Variants in UTS2 observed in about 807,000 individuals in gnomAD.
UTS2 encodes the protein urotensin-2.
In UTS2, 10 loss-of-function variants were observed where a neutral mutation model predicts 12.6. The observed-to-expected ratio is 0.80, with a 90% CI of 0.49 to 1.35. The LOEUF is 1.35. UTS2 is among the 40% of genes most tolerant of loss of function. The pLI is 0.00. For synonymous variants in UTS2, 52 were observed against 50.0 expected (o/e 1.04, Z -0.17); for missense variants, 142 against 143.2 (o/e 0.99, Z 0.04).
At chr1:7,886,017 G>A in the UTS2 span, among the ~76,000 whole-genome samples, 4 of 133,762 alleles carry the variant, frequency 3.0e-5, no homozygotes, top group Admixed American at 2.1e-4. Flanking sequence ...CCTCTCCGAC[G>A]CATCGGAAGT....
the UTS2 span, among the ~76,000 whole-genome samples, chr1:7,865,955 T>G: frequency 6.6e-6 from 1 of 151,998 alleles, no homozygotes; most frequent in African/African-American, 2.4e-5. Flanking sequence ...ATAAACAAAC[T>G]AATACAATTC....
the UTS2 span, among the ~76,000 whole-genome samples, chr1:7,913,140 C>T: frequency 2.0e-5 from 3 of 152,138 alleles, no homozygotes; most frequent in South Asian, 4.2e-4. Flanking sequence ...TCGGAACTCC[C>T]TCCCACCAAG....
the UTS2 span, among the ~76,000 whole-genome samples, chr1:7,894,376 G>T: frequency 6.6e-6 from 1 of 151,950 alleles, no homozygotes; most frequent in South Asian, 2.1e-4. Context: ...GTCGCATCAT[G>T]TTGCCCAGGC....
chr1:7,866,169 G>T, the UTS2 span, among the ~76,000 whole-genome samples: 2 of 152,170 alleles, frequency 1.3e-5, no homozygotes, highest in Admixed American at 1.3e-4. The surrounding 1 kb of genome is among the most constrained non-coding windows in gnomAD (Gnocchi z 4.5). Flanking sequence ...AGCAGTTGGG[G>T]GTTGCTGTGG....
At chr1:7,905,554 A>G in the UTS2 span, among the ~76,000 whole-genome samples, 1 of 152,082 alleles carries the variant, frequency 6.6e-6, no homozygotes, top group Non-Finnish European at 1.5e-5. Context: ...TAAACTTTGA[A>G]TAAAGCAGAT....
the UTS2 span, among the ~76,000 whole-genome samples, chr1:7,913,138 C>T: frequency 6.6e-6 from 1 of 151,936 alleles, no homozygotes; most frequent in East Asian, 1.9e-4. Flanking sequence ...CCTCGGAACT[C>T]CCTCCCACCA....
chr1:7,848,882 G>A lies in UTS2; in HGVS notation c.258+758C>T, dbSNP rs138053816. On this transcript the variant is annotated intron_variant, in intron 3 of 3. Transcript: ENST00000361696. The stretch of plus-strand genomic sequence containing the variant: ...CCTCCATTAGATGTTGTCTTGCAGT[G>A]CCCTTCACACTTTCCCATGCATGTG... Among the ~76,000 whole-genome samples the A allele has an allele frequency of 1.8e-4, 28 of 152,244 alleles. No individual in the cohort carries two copies. In the East Asian group the frequency reaches 5.4e-3, roughly 29 times the overall value.
chr1:7,913,071 G>A, the UTS2 span, among the ~76,000 whole-genome samples: 3 of 150,148 alleles, frequency 2.0e-5, no homozygotes, highest in East Asian at 3.9e-4. Context: ...GCTAATAGTC[G>A]ATTTACAAAC....
At chr1:7,851,889 A>AT (rs1490295205) in intron 1 of UTS2, among the ~76,000 whole-genome samples, 1 of 152,226 alleles carries the variant, frequency 6.6e-6, no homozygotes, top group African/African-American at 2.4e-5. Context: ...TACTTGTAAA[A>AT]TTTTTTAAGA....
chr1:7,886,059 G>T, the UTS2 span, among the ~76,000 whole-genome samples: 58 of 152,256 alleles, frequency 3.8e-4, no homozygotes, highest in Non-Finnish European at 6.6e-4. Context: ...CAGGTGTAAG[G>T]TATCCCAGGT....
At chr1:7,881,117 T>C in the UTS2 span, among the ~76,000 whole-genome samples, 1 of 152,176 alleles carries the variant, frequency 6.6e-6, no homozygotes, top group Non-Finnish European at 1.5e-5. Flanking sequence ...TCTCAATGCA[T>C]TAGGCATAGA....
chr1:7,912,650 T>G, the UTS2 span, among the ~76,000 whole-genome samples: 1 of 152,124 alleles, frequency 6.6e-6, no homozygotes, highest in Non-Finnish European at 1.5e-5. Context: ...GAGACGGTGT[T>G]TCACCATGTT....
the UTS2 span, among the ~76,000 whole-genome samples, chr1:7,894,469 C>T: frequency 1.3e-5 from 2 of 152,016 alleles, no homozygotes; most frequent in Admixed American, 6.6e-5. Flanking sequence ...CCACCGTGCC[C>T]GACCTCTTCT....
At chr1:7,873,269 C>T in the UTS2 span, among the ~76,000 whole-genome samples, 2 of 152,208 alleles carry the variant, frequency 1.3e-5, no homozygotes, top group South Asian at 2.1e-4. Flanking sequence ...CACTCTGATG[C>T]TCATGGATCA....
At chr1:7,879,766 T>C in the UTS2 span, among the ~76,000 whole-genome samples, 1 of 151,680 alleles carries the variant, frequency 6.6e-6, no homozygotes, top group East Asian at 1.9e-4. Flanking sequence ...ACAAAAGTCT[T>C]GAAACAAATG....
At chr1:7,903,864 T>C in the UTS2 span, among the ~76,000 whole-genome samples, 1 of 152,166 alleles carries the variant, frequency 6.6e-6, no homozygotes, top group African/African-American at 2.4e-5. Flanking sequence ...AGAGCTTTCA[T>C]CTTTCCCATG....
chr1:7,906,515 G>A, the UTS2 span, among the ~76,000 whole-genome samples: 13 of 148,032 alleles, frequency 8.8e-5, no homozygotes, highest in Non-Finnish European at 1.9e-4. Flanking sequence ...AAGAAAAGAG[G>A]GAGGGAGGGA....
At chr1:7,863,012 TG>T in the UTS2 span, among the ~76,000 whole-genome samples, 138 of 21,692 alleles carry the variant, frequency 6.4e-3, 7 homozygotes, top group East Asian at 0.065. Context: ...TGTATTGTAT[TG>T]TATTGTATTG....
chr1:7,890,512 A>C, the UTS2 span, among the ~76,000 whole-genome samples: 1 of 152,164 alleles, frequency 6.6e-6, no homozygotes, highest in Non-Finnish European at 1.5e-5. Context: ...ATTCCAGTTC[A>C]AGGAACACAT....
Sources: allele counts gnomAD v4.1 joint callset (sites outside exome capture counted in the v4.1 genomes callset), GRCh38; gene constraint gnomAD v4.1.1; non-coding constraint Gnocchi (gnomAD v3.1); transcripts MANE v1.5; gene names NCBI Gene and HGNC (gene_info 2026-07-23, HGNC 2026-07-21).